ZNF787: variants seen among roughly 807,000 people sequenced by gnomAD.
ZNF787 encodes TTF-I-interacting peptide 20.
ZNF787 carries 7 observed loss-of-function variants against 16.9 expected under a neutral mutation model. That is an observed-to-expected ratio of 0.42 (90% CI 0.24 to 0.78). ZNF787 has a LOEUF of 0.78. Ranked by LOEUF, ZNF787 falls within the 30% of genes least tolerant of loss-of-function variation. ZNF787 has a pLI of 0.30. For synonymous variants in ZNF787, 345 were observed against 270.9 expected, an observed-to-expected ratio of 1.27 and a Z score of -2.69; for missense variants, 551 against 589.3, an observed-to-expected ratio of 0.94 and a Z score of 0.67.
At position 56,087,371 on chromosome 19, in the gene ZNF787, T is replaced by A. The variant is rs1172705208; in HGVS notation, c.*652A>T. The A allele has an allele frequency of 6.6e-6, 1 of 152,226 alleles. No individual in the cohort carries two copies. Among genetic ancestry groups the A allele is most frequent in the African/African-American group, 2.4e-5 (1 of 41,430 alleles). The allele number at this position is 152,226 out of a possible 1,614,324, so 9.4% of individuals were successfully genotyped here. The stretch of plus-strand genomic sequence containing the variant: ...TCAAGAACCACGCAGAGGGGGACAT[T>A]TGGATAGTGCCGTTTATTGTTCCAG... On this transcript the variant is annotated 3_prime_UTR_variant, in exon 3 of 3. Coordinates refer to ENST00000610935, the MANE Select transcript of ZNF787 (RefSeq NM_001002836.4).
rs76964640 is a variant in ZNF787, at chr19:56,119,122, G to A, written c.-11+2050C>T. ...TGATTCCTGCCAGGCTGCCCAGCAC[G>A]GAGCACCACTCTACCTTGTGCTTGC... On this transcript the variant is annotated intron_variant, in intron 1 of 2. Coordinates refer to ENST00000610935, the MANE Select transcript of ZNF787 (RefSeq NM_001002836.4). Among the ~76,000 whole-genome samples the A allele has an allele frequency of 5.4e-3, 819 of 152,182 alleles. 7 individuals carry two copies. The highest frequency in any genetic ancestry group is 0.019 in the African/African-American group (769 of 41,506).
In ZNF787 at chr19:56,091,896, T is replaced by TGCCGCA. The variant is rs796616298; in HGVS notation, c.80-2810_80-2805dup. 1.5e-4 allele frequency among the ~76,000 whole-genome samples: 21 copies of TGCCGCA among 142,844 alleles called. No individual in the cohort carries two copies. In the East Asian group the frequency reaches 1.8e-3, roughly 12 times the overall value. The allele number at this position is 142,844 out of a possible 152,430, so 93.7% of individuals were successfully genotyped here. On this transcript the variant is annotated intron_variant, in intron 2 of 2. Transcript: ENST00000610935. ...ATGGGCCAAGATGAGCCGCTCCACT[T>TGCCGCA]GCCGCAGCCGCAGCCGCAGCCGCAG...
intron 1 of ZNF787, among the ~76,000 whole-genome samples, chr19:56,110,374 AG>A (rs1256265371): frequency 2.0e-5 from 3 of 150,320 alleles, no homozygotes. Context: ...AAAAAAAAAA[AG>A]AAAGAAAAAG....
chr19:56,090,032 A>AC (rs1250315808), intron 2 of ZNF787, among the ~76,000 whole-genome samples: 1 of 152,080 alleles, frequency 6.6e-6, no homozygotes, highest in African/African-American at 2.4e-5. Flanking sequence ...CCCCGTGGAC[A>AC]CCCCAGGTGC....
In ZNF787 at chr19:56,103,786, G is replaced by A. The variant is rs1428104197; in HGVS notation, c.-10-559C>T. ...GCACGACACCACCGACCCGTGCCAC[G>A]CACCAGGAGGGTCTCTACGCACGAC... On this transcript the variant is annotated intron_variant, in intron 1 of 2. Coordinates refer to ENST00000610935, the MANE Select transcript of ZNF787 (RefSeq NM_001002836.4). Among the ~76,000 whole-genome samples the A allele has an allele frequency of 9.4e-5, 14 of 149,528 alleles. 1 individual carries two copies. Among genetic ancestry groups the A allele is most frequent in the South Asian group, 4.3e-4 (2 of 4,686 alleles).
chr19:56,110,349 G>A (rs1397811218), intron 1 of ZNF787, among the ~76,000 whole-genome samples: 9 of 149,276 alleles, frequency 6.0e-5, no homozygotes, highest in Non-Finnish European at 1.3e-4. Flanking sequence ...GCAACAGAGC[G>A]AGACTCCGTC....
intron 2 of ZNF787, among the ~76,000 whole-genome samples, chr19:56,092,269 G>A (rs59697409): frequency 0.027 from 4,066 of 152,364 alleles, 186 homozygotes; most frequent in African/African-American, 0.093. Context: ...AGTGTCCCCA[G>A]ACGCCTGGCC....
At chr19:56,109,142 C>G (rs906299484) in intron 1 of ZNF787, among the ~76,000 whole-genome samples, 2 of 152,108 alleles carry the variant, frequency 1.3e-5, no homozygotes, top group Non-Finnish European at 2.9e-5. Flanking sequence ...GTTCATTTTC[C>G]TAATATTTTA....
rs1033581585 is a variant in ZNF787, at chr19:56,087,588, A to AAAAGAG, written c.*429_*434dup. On this transcript the variant is annotated 3_prime_UTR_variant, in exon 3 of 3. Transcript: ENST00000610935. ...GGTGGGCTGATTAAAAGAAAATTCT[A>AAAAGAG]AAAGAGAAAAGGGCCCCTGGTTCTC... The AAAAGAG allele has an allele frequency of 6.5e-6, 1 of 153,184 alleles. No individual in the cohort carries two copies. Among genetic ancestry groups the AAAAGAG allele is most frequent in the Non-Finnish European group, 1.4e-5 (1 of 69,422 alleles). 9.5% of individuals were successfully genotyped at this position (153,184 alleles called of 1,614,324 possible).
intron 1 of ZNF787, among the ~76,000 whole-genome samples, chr19:56,117,870 G>T (rs2030182897): frequency 6.6e-6 from 1 of 152,228 alleles, no homozygotes; most frequent in Non-Finnish European, 1.5e-5. Flanking sequence ...GACCACTTCT[G>T]ATGCATCTCT....
intron 1 of ZNF787, among the ~76,000 whole-genome samples, chr19:56,115,214 C>T (rs973642012): frequency 5.9e-5 from 9 of 152,086 alleles, no homozygotes; most frequent in Admixed American, 2.6e-4. Flanking sequence ...TCGTCTGAGC[C>T]GGTTTTGGCA....
intron 2 of ZNF787, among the ~76,000 whole-genome samples, chr19:56,091,966 G>GAAACCGAAGCCA (rs1985602545): frequency 3.3e-5 from 5 of 151,858 alleles, no homozygotes; most frequent in East Asian, 3.9e-4. Flanking sequence ...AACCGAAACC[G>GAAACCGAAGCCA]AAGCCAAAGC....
intron 2 of ZNF787, among the ~76,000 whole-genome samples, chr19:56,091,887 C>G (rs977938857): frequency 2.0e-5 from 3 of 152,062 alleles, no homozygotes; most frequent in Admixed American, 6.5e-5. Context: ...CAAGATGAGC[C>G]GCTCCACTTG....
chr19:56,091,951 G>GAAA (rs1555775515), intron 2 of ZNF787, among the ~76,000 whole-genome samples: 2 of 28,992 alleles, frequency 6.9e-5, no homozygotes, highest in East Asian at 2.4e-3. Context: ...CAAAGCCAAA[G>GAAA]CCGAAACCGA....
intron 2 of ZNF787, among the ~76,000 whole-genome samples, chr19:56,093,179 G>A (rs1985723804): frequency 6.7e-6 from 1 of 150,156 alleles, no homozygotes; most frequent in Non-Finnish European, 1.5e-5. Context: ...ACACGGGGAT[G>A]GCGGAAGTGG....
rs897992034 is a variant in ZNF787 at position 56,088,375 on chromosome 19, GCCTTTGCCC to G, written c.788_796del (p.Gly263_Lys265del). ...GGCGCGCCGCGACCGGGGCCCCGCG[GCCTTTGCCC>G]CCGCGCCCGCCATGGCTGCCGCGGC... On this transcript the variant is annotated inframe_deletion, in exon 3 of 3. Transcript: ENST00000610935. This position sits in a 1 kb window ranked among gnomAD's most constrained non-coding sequence, Gnocchi z 8.6. 10 of 1,114,816 alleles carry G rather than the reference GCCTTTGCCC, an allele frequency of 9.0e-6. No individual in the cohort carries two copies. Among genetic ancestry groups the G allele is most frequent in the Non-Finnish European group, 1.1e-5 (10 of 913,542 alleles). The allele number at this position is 1,114,816 out of a possible 1,614,324, so 69.1% of individuals were successfully genotyped here.
At chr19:56,098,971 C>G (rs1183607104) in intron 2 of ZNF787, among the ~76,000 whole-genome samples, 1 of 152,190 alleles carries the variant, frequency 6.6e-6, no homozygotes, top group Non-Finnish European at 1.5e-5. Flanking sequence ...CCACCTGGGG[C>G]TGAGGCACTG....
chr19:56,093,725 T>C (rs947447411), intron 2 of ZNF787, among the ~76,000 whole-genome samples: 1 of 152,214 alleles, frequency 6.6e-6, no homozygotes, highest in African/African-American at 2.4e-5. Context: ...CATAATGCCA[T>C]TTTCTCCTGG....
chr19:56,088,171 C>T lies in ZNF787; in HGVS notation c.1001G>A (p.Arg334Lys). The change falls in exon 3 of 3, where the codon AGA becomes AAA. Residue 334 changes from arginine to lysine, a missense_variant. Transcript: ENST00000610935. This position sits in a 1 kb window ranked among gnomAD's most constrained non-coding sequence, Gnocchi z 8.6. ...EGFVQGAALR[R>K]HKKIHAVGAP... The stretch of plus-strand genomic sequence containing the variant: ...GCCCACCGCGTGGATCTTCTTGTGT[C>T]TCCGGAGCGCGGCGCCCTGCACGAA... The T allele has an allele frequency of 6.4e-7, 1 of 1,551,612 alleles. No homozygotes were observed. Among genetic ancestry groups the T allele is most frequent in the Non-Finnish European group, 8.7e-7 (1 of 1,154,182 alleles).
Sources: gnomAD v4.1 joint callset for allele counts (sites outside exome capture counted in the v4.1 genomes callset) on GRCh38, gnomAD v4.1.1 for gene constraint, Gnocchi (gnomAD v3.1) non-coding constraint, MANE v1.5 for transcripts, NCBI Gene and HGNC (gene_info 2026-07-23, HGNC 2026-07-21) for gene names.